Variants in DLG2 observed in about 807,000 individuals in gnomAD.
The protein encoded by DLG2 is disks large homolog 2.
DLG2 carries 45 observed loss-of-function variants against 132.5 expected under a neutral mutation model. The observed-to-expected ratio is 0.34, with a 90% CI of 0.27 to 0.44. The LOEUF (loss-of-function observed/expected upper bound fraction) is 0.44. DLG2 is among the 20% of genes least tolerant of loss of function. DLG2 has a pLI of 1.00. For synonymous variants in DLG2, 424 were observed against 419.6 expected (o/e 1.01, Z -0.13); for missense variants, 1,045 against 1,196.9 (o/e 0.87, Z 1.87).
At chr11:85,461,871 C>G (rs1367998377) in intron 3 of DLG2, among the ~76,000 whole-genome samples, 3 of 152,100 alleles carry the variant, frequency 2.0e-5, no homozygotes, top group African/African-American at 7.2e-5. Context: ...AGGCAACCTA[C>G]AGAATGGGAG....
intron 7 of DLG2, among the ~76,000 whole-genome samples, chr11:84,368,821 G>A (rs891335757): frequency 6.6e-6 from 1 of 152,048 alleles, no homozygotes; most frequent in Admixed American, 6.6e-5. Context: ...AATTTTATGT[G>A]TTTGAAACCC....
At chr11:84,835,761 CTATTA>C (rs1161946445) in intron 6 of DLG2, among the ~76,000 whole-genome samples, 2 of 151,418 alleles carry the variant, frequency 1.3e-5, no homozygotes, top group Admixed American at 6.6e-5. Context: ...ATTTCAAAGG[CTATTA>C]TATTAAATAT....
At chr11:84,544,278 G>A (rs10898257) in intron 6 of DLG2, among the ~76,000 whole-genome samples, 14,037 of 152,200 alleles carry the variant, frequency 0.092, 838 homozygotes, top group South Asian at 0.21. Context: ...AAGTCAGAAT[G>A]GAACCACAGA....
At chr11:84,264,271 A>G (rs1567113629) in intron 7 of DLG2, among the ~76,000 whole-genome samples, 1 of 152,186 alleles carries the variant, frequency 6.6e-6, no homozygotes, top group African/African-American at 2.4e-5. Context: ...CTCTGGATCC[A>G]AAATGCCAAC....
chr11:83,607,476 C>G (rs1437509688), intron 19 of DLG2, among the ~76,000 whole-genome samples: 1 of 152,140 alleles, frequency 6.6e-6, no homozygotes, highest in Non-Finnish European at 1.5e-5. Flanking sequence ...CTTTTAGTAA[C>G]AGGACTCCTC....
intron 6 of DLG2, among the ~76,000 whole-genome samples, chr11:85,008,464 C>A (rs1054452337): frequency 1.3e-5 from 2 of 151,882 alleles, no homozygotes; most frequent in African/African-American, 4.8e-5. Context: ...TAGTATATTT[C>A]TTTTAGGGAG....
intron 9 of DLG2, among the ~76,000 whole-genome samples, chr11:84,157,416 A>G (rs1054453743): frequency 1.4e-4 from 22 of 152,190 alleles, no homozygotes; most frequent in African/African-American, 4.8e-4. Flanking sequence ...AGAGGCCGTC[A>G]TCCACTACTT....
At chr11:83,527,407 T>C (rs1023661287) in intron 21 of DLG2, among the ~76,000 whole-genome samples, 3 of 152,146 alleles carry the variant, frequency 2.0e-5, no homozygotes, top group East Asian at 1.9e-4. Context: ...ATGATTTCCT[T>C]TGAAGTCTTG....
At chr11:84,420,770 G>A (rs571488546) in intron 7 of DLG2, among the ~76,000 whole-genome samples, 135 of 140,182 alleles carry the variant, frequency 9.6e-4, no homozygotes, top group Non-Finnish European at 1.7e-3. Flanking sequence ...CCGGGTTCAC[G>A]CCATTCTCCT....
chr11:84,039,130 C>T (rs2095974024), intron 11 of DLG2, among the ~76,000 whole-genome samples: 1 of 152,022 alleles, frequency 6.6e-6, no homozygotes, highest in African/African-American at 2.4e-5. Context: ...TGTTCCATTT[C>T]AGTACATTCA....
At chr11:83,645,318 G>C (rs2067838655) in intron 18 of DLG2, among the ~76,000 whole-genome samples, 3 of 152,140 alleles carry the variant, frequency 2.0e-5, no homozygotes, top group African/African-American at 7.2e-5. Context: ...CTGAATTCCA[G>C]TGACTGGGAA....
intron 19 of DLG2, among the ~76,000 whole-genome samples, chr11:83,546,798 T>A (rs2096253541): frequency 6.6e-6 from 1 of 152,104 alleles, no homozygotes; most frequent in Admixed American, 6.6e-5. Flanking sequence ...TGGACTAGCC[T>A]GCAAAAAAGA....
rs536291894 is a variant in DLG2, at chr11:84,482,085, T to C, written c.519+52485A>G. 1.7e-3 allele frequency among the ~76,000 whole-genome samples: 261 copies of C among 152,328 alleles called. 1 individual carries two copies. Among genetic ancestry groups the C allele is most frequent in the Middle Eastern group, 3.4e-3 (1 of 294 alleles). ...CAGCATACTTCTAATATTTTCTCTT[T>C]AAGCTGAGCAACAAAATATAGATAA... On this transcript the variant is annotated intron_variant, in intron 7 of 27. Transcript: ENST00000376104.
At chr11:84,742,355 T>C (rs1218981350) in intron 6 of DLG2, among the ~76,000 whole-genome samples, 4 of 152,304 alleles carry the variant, frequency 2.6e-5, no homozygotes, top group South Asian at 2.1e-4. Flanking sequence ...TGTAGTCTAA[T>C]TGTCAAAAGT....
chr11:85,421,842 T>C (rs1379109451), intron 3 of DLG2, among the ~76,000 whole-genome samples: 3 of 152,170 alleles, frequency 2.0e-5, no homozygotes, highest in Non-Finnish European at 4.4e-5. Context: ...TGTTTCAAGA[T>C]TTAGAGCTCC....
intron 6 of DLG2, among the ~76,000 whole-genome samples, chr11:84,760,988 G>C (rs894109621): frequency 1.3e-5 from 2 of 152,126 alleles, no homozygotes; most frequent in Admixed American, 1.3e-4. Flanking sequence ...TTGCACCCAC[G>C]TGTGATCTGA....
At chr11:83,930,543 G>T in intron 14 of DLG2, 60 bp from the exon 15 acceptor site, 1 of 1,480,654 alleles carries the variant, frequency 6.8e-7, no homozygotes, top group Non-Finnish European at 9.2e-7. Context: ...GAACACCTGT[G>T]CAACCAGTAG....
chr11:84,860,311 G>C (rs2083434997), intron 6 of DLG2, among the ~76,000 whole-genome samples: 1 of 151,938 alleles, frequency 6.6e-6, no homozygotes, highest in African/African-American at 2.4e-5. Flanking sequence ...CTTTGTTTCT[G>C]TCACCACCTC....
intron 10 of DLG2, among the ~76,000 whole-genome samples, chr11:84,079,471 G>A (rs1260045790): frequency 1.3e-5 from 2 of 151,794 alleles, no homozygotes; most frequent in Non-Finnish European, 2.9e-5. Flanking sequence ...TTTAGTAGAT[G>A]GGGGTTTCTC....
Sources: gnomAD v4.1 joint callset for allele counts (sites outside exome capture counted in the v4.1 genomes callset) on GRCh38, gnomAD v4.1.1 for gene constraint, MANE v1.5 for transcripts, NCBI Gene and HGNC (gene_info 2026-07-23, HGNC 2026-07-21) for gene names.